HS2ST1: variants seen among roughly 807,000 people sequenced by gnomAD.
HS2ST1 encodes heparan sulfate 2-O-sulfotransferase 1.
In HS2ST1, 18 loss-of-function variants were observed where a neutral mutation model predicts 42.9. That is an observed-to-expected ratio of 0.42 (90% CI 0.29 to 0.62). The LOEUF is 0.62. Among genes scored for constraint, HS2ST1 ranks in the 20% least tolerant of loss-of-function variants. HS2ST1 has a pLI of 0.21. For synonymous variants in HS2ST1, 146 were observed against 152.9 expected (o/e 0.95, Z 0.33); for missense variants, 334 against 433.8 (o/e 0.77, Z 2.04).
chr1:87,096,736 AG>A (rs1223878184), intron 4 of HS2ST1, among the ~76,000 whole-genome samples: 6 of 152,196 alleles, frequency 3.9e-5, no homozygotes, highest in African/African-American at 1.4e-4. Flanking sequence ...ATATCACCTG[AG>A]GGTCAGAATA....
chr1:86,959,563 C>T (rs1362257497), intron 1 of HS2ST1, among the ~76,000 whole-genome samples: 2 of 152,174 alleles, frequency 1.3e-5, no homozygotes, highest in African/African-American at 4.8e-5. Flanking sequence ...GAGGCTGAGG[C>T]AGGAGAATCG....
intron 1 of HS2ST1, among the ~76,000 whole-genome samples, chr1:87,040,200 A>C (rs994322194): frequency 1.4e-4 from 22 of 152,156 alleles, no homozygotes; most frequent in African/African-American, 5.1e-4. Flanking sequence ...GTTTGTGGAA[A>C]ATTAGAAATA....
chr1:86,993,497 C>T (rs1259336271), intron 1 of HS2ST1, among the ~76,000 whole-genome samples: 1 of 152,078 alleles, frequency 6.6e-6, no homozygotes, highest in African/African-American at 2.4e-5. Context: ...TAAGTGCATT[C>T]TTATCAGTAA....
At chr1:86,966,010 G>A (rs1648035284) in intron 1 of HS2ST1, among the ~76,000 whole-genome samples, 1 of 152,190 alleles carries the variant, frequency 6.6e-6, no homozygotes, top group African/African-American at 2.4e-5. Flanking sequence ...CAAGCCACAG[G>A]CTTCTGCATG....
chr1:87,006,865 A>T (rs1482682512), intron 1 of HS2ST1, among the ~76,000 whole-genome samples: 1 of 152,168 alleles, frequency 6.6e-6, no homozygotes, highest in Non-Finnish European at 1.5e-5. Context: ...AGTTAGAGCG[A>T]TAAGGACAAG....
rs561104919 is a variant in HS2ST1 at position 87,047,521 on chromosome 1, A to G, written c.125-25413A>G. 9.9e-5 allele frequency among the ~76,000 whole-genome samples: 15 copies of G among 152,264 alleles called. No homozygotes were observed. In the East Asian group the frequency reaches 2.3e-3, roughly 23 times the overall value. On this transcript the variant is annotated intron_variant, in intron 1 of 6. Coordinates refer to ENST00000370550, the MANE Select transcript of HS2ST1 (RefSeq NM_012262.4). ...TAAAATTACTAGGATTGTTTCTTCT[A>G]TAAGTTTTATAATTTTAGCTCTTAT...
chr1:87,021,700 G>T (rs1443962723), intron 1 of HS2ST1, among the ~76,000 whole-genome samples: 1 of 152,004 alleles, frequency 6.6e-6, no homozygotes, highest in Non-Finnish European at 1.5e-5. Flanking sequence ...ATTTTTTATG[G>T]AGACACAGTC....
intron 2 of HS2ST1, among the ~76,000 whole-genome samples, chr1:87,075,835 A>G (rs1322476982): frequency 6.6e-6 from 1 of 152,072 alleles, no homozygotes; most frequent in Non-Finnish European, 1.5e-5. Context: ...TATAATAGTT[A>G]TATATATTCT....
intron 1 of HS2ST1, among the ~76,000 whole-genome samples, chr1:86,945,661 C>T (rs1034553817): frequency 6.6e-6 from 1 of 152,150 alleles, no homozygotes; most frequent in South Asian, 2.1e-4. Flanking sequence ...ATTACTTTAA[C>T]AGGGAAGAAC....
chr1:87,003,148 A>G (rs1649340278), intron 1 of HS2ST1, among the ~76,000 whole-genome samples: 1 of 152,220 alleles, frequency 6.6e-6, no homozygotes, highest in Non-Finnish European at 1.5e-5. Flanking sequence ...GGGAAAGCAA[A>G]GTATTGGTGC....
chr1:87,007,174 C>T (rs1248735780), intron 1 of HS2ST1, among the ~76,000 whole-genome samples: 1 of 152,020 alleles, frequency 6.6e-6, no homozygotes, highest in African/African-American at 2.4e-5. Flanking sequence ...TTTAGAAACT[C>T]AGATTTATCA....
intron 1 of HS2ST1, among the ~76,000 whole-genome samples, chr1:86,962,271 A>G (rs566228084): frequency 6.6e-6 from 1 of 152,226 alleles, no homozygotes; most frequent in Non-Finnish European, 1.5e-5. Flanking sequence ...GTAATCTAAC[A>G]TTGCATATTT....
chr1:86,994,316 T>G (rs1015250664), intron 1 of HS2ST1, among the ~76,000 whole-genome samples: 2 of 152,162 alleles, frequency 1.3e-5, no homozygotes, highest in African/African-American at 4.8e-5. Context: ...ATAATGCAGT[T>G]TTATACATTT....
chr1:86,952,327 T>C (rs1647545276), intron 1 of HS2ST1, among the ~76,000 whole-genome samples: 1 of 150,884 alleles, frequency 6.6e-6, no homozygotes, highest in Non-Finnish European at 1.5e-5. Context: ...AGCCTTTGCC[T>C]CCTGGGCTCA....
intron 4 of HS2ST1, among the ~76,000 whole-genome samples, chr1:87,094,608 G>A (rs1652020722): frequency 6.6e-6 from 1 of 151,960 alleles, no homozygotes; most frequent in Non-Finnish European, 1.5e-5. Context: ...TACATCCTTT[G>A]AAAAGAAGAG....
rs1238529783 is a variant in HS2ST1, at chr1:87,009,951, C to T, written c.125-62983C>T. Reference sequence around the variant, plus strand: ...TCGGGAGGCTGAGGCAGGAGAATGGCGTGAACCAGGGAGGCAGAGCTTGCA... The same window carrying T: ...TCGGGAGGCTGAGGCAGGAGAATGGTGTGAACCAGGGAGGCAGAGCTTGCA... On this transcript the variant is annotated intron_variant, in intron 1 of 6. Transcript: ENST00000370550. 4.6e-5 allele frequency among the ~76,000 whole-genome samples: 7 copies of T among 151,882 alleles called. No individual in the cohort carries two copies. In the East Asian group the frequency reaches 7.7e-4, roughly 17 times the overall value.
chr1:87,097,682 G>T (rs757755345), intron 4 of HS2ST1, among the ~76,000 whole-genome samples, 156 bp from the exon 5 acceptor site: 1 of 152,102 alleles, frequency 6.6e-6, no homozygotes, highest in Non-Finnish European at 1.5e-5. Flanking sequence ...GTGAGCCACC[G>T]TGCCCAACTG....
intron 1 of HS2ST1, among the ~76,000 whole-genome samples, chr1:87,042,659 C>T (rs1364956278): frequency 6.6e-6 from 1 of 152,006 alleles, no homozygotes; most frequent in Non-Finnish European, 1.5e-5. Flanking sequence ...AGGCCCTTTT[C>T]TTTCAGAAAA....
intron 1 of HS2ST1, among the ~76,000 whole-genome samples, chr1:86,929,576 T>C (rs912266902): frequency 2.6e-5 from 4 of 151,844 alleles, no homozygotes; most frequent in African/African-American, 4.8e-5. Context: ...AATTTAAAGA[T>C]AGATTTATAA....
Sources: allele counts gnomAD v4.1 joint callset (sites outside exome capture counted in the v4.1 genomes callset), GRCh38; gene constraint gnomAD v4.1.1; transcripts MANE v1.5; gene names NCBI Gene and HGNC (gene_info 2026-07-23, HGNC 2026-07-21).